The following RNF141 variants were observed in gnomAD, a reference collection of about 807,000 sequenced individuals.
RNF141 encodes the protein ring finger protein 141.
Under a neutral mutation model 27.4 loss-of-function variants are expected in RNF141, and 18 were observed. The observed-to-expected ratio is 0.66, with a 90% CI of 0.45 to 0.97. The LOEUF is 0.97. Ranked by LOEUF, RNF141 falls within the 50% of genes least tolerant of loss-of-function variation. The pLI is 0.00. For missense variants in RNF141, 230 were observed against 279.4 expected (o/e 0.82, Z 1.26); for synonymous variants, 97 against 96.6 (o/e 1.00, Z -0.02).
At chr11:10,515,273 A>G in intron 5 of RNF141, 1 of 580,582 alleles carries the variant, frequency 1.7e-6, no homozygotes, top group East Asian at 3.0e-5. Flanking sequence ...TCCTCCAGAG[A>G]TAGACTAAGC....
intron 1 of RNF141, among the ~76,000 whole-genome samples, chr11:10,540,082 AGACGGGT>A (rs1850081241): frequency 6.6e-6 from 1 of 152,186 alleles, no homozygotes; most frequent in Non-Finnish European, 1.5e-5. Context: ...ATCACTTCTC[AGACGGGT>A]GACTTCGACA....
intron 4 of RNF141, among the ~76,000 whole-genome samples, chr11:10,522,175 G>C (rs1329800997): frequency 6.6e-6 from 1 of 152,200 alleles, no homozygotes; most frequent in African/African-American, 2.4e-5. Context: ...ATTGGAATGG[G>C]AAAACTGAAT....
Position 10,514,859 on chromosome 11 carries a change from T to TC in RNF141, c.*56dup. 1 of 1,526,592 alleles carries TC rather than the reference T, an allele frequency of 6.6e-7. No individual in the cohort carries two copies. The highest frequency in any genetic ancestry group is 1.3e-5 in the South Asian group (1 of 77,732). The allele number at this position is 1,526,592 out of a possible 1,614,324, so 94.6% of individuals were successfully genotyped here. A position where few individuals can be genotyped will look rare whatever the true frequency, so the allele number is the denominator to read the frequency against. On this transcript the variant is annotated 3_prime_UTR_variant, in exon 6 of 6. Transcript: ENST00000265981. ...TGCCAGTGCCACAACCCTACATTCT[T>TC]CCCCCATGACCAAATATTTGAGCCC...
intron 1 of RNF141, among the ~76,000 whole-genome samples, chr11:10,535,381 T>G (rs1173833410): frequency 6.7e-6 from 1 of 148,726 alleles, no homozygotes; most frequent in African/African-American, 2.5e-5. Flanking sequence ...AAAACAACAG[T>G]TTTGAATCTG....
intron 1 of RNF141, among the ~76,000 whole-genome samples, chr11:10,538,708 CTT>C (rs1350009660): frequency 7.9e-5 from 12 of 152,126 alleles, no homozygotes; most frequent in Non-Finnish European, 1.3e-4. Context: ...ATTCTTTTGA[CTT>C]TTGTTAATTT....
chr11:10,538,768 A>T (rs1211336561), intron 1 of RNF141, among the ~76,000 whole-genome samples: 1 of 152,258 alleles, frequency 6.6e-6, no homozygotes, highest in East Asian at 1.9e-4. Flanking sequence ...GAAGTTAAAA[A>T]TATGTATGAA....
At chr11:10,517,514 C>T (rs1033950153) in intron 5 of RNF141, 1 of 151,840 alleles carries the variant, frequency 6.6e-6, no homozygotes, top group African/African-American at 2.4e-5. Context: ...ATCCAAGAAG[C>T]TCAATAAACC....
At chr11:10,539,225 C>T (rs1268007440) in intron 1 of RNF141, among the ~76,000 whole-genome samples, 1 of 151,918 alleles carries the variant, frequency 6.6e-6, no homozygotes, top group Non-Finnish European at 1.5e-5. Context: ...GGGTAACTGG[C>T]AAAGCAAAAA....
At chr11:10,519,897 C>G (rs1307924219) in intron 4 of RNF141, among the ~76,000 whole-genome samples, 2 of 152,166 alleles carry the variant, frequency 1.3e-5, no homozygotes, top group East Asian at 3.8e-4. Context: ...AATCTTTTGG[C>G]TTCCCTGGGC....
chr11:10,525,160 T>A, intron 4 of RNF141, 32 bp downstream of exon 4: 2 of 1,423,438 alleles, frequency 1.4e-6, no homozygotes, highest in Non-Finnish European at 9.4e-7. Flanking sequence ...TATTAGAAAA[T>A]AAGTGAAATA....
At chr11:10,529,540 AAGATAGTTTGGAGTCATATTGT>A (rs1849968074) in intron 3 of RNF141, among the ~76,000 whole-genome samples, 2 of 152,214 alleles carry the variant, frequency 1.3e-5, no homozygotes, top group Admixed American at 1.3e-4. Flanking sequence ...TAATGCAGAA[AAGATAGTTTGGAGTCATATTGT>A]AGGAGTTGGG....
intron 3 of RNF141, among the ~76,000 whole-genome samples, chr11:10,528,011 T>G (rs1366246526): frequency 1.3e-5 from 2 of 152,210 alleles, no homozygotes; most frequent in Non-Finnish European, 2.9e-5. Flanking sequence ...CATGTAGTTC[T>G]TAACAGCCAC....
At chr11:10,532,508 C>CAT (rs1401225188) in intron 2 of RNF141, among the ~76,000 whole-genome samples, 1 of 139,902 alleles carries the variant, frequency 7.1e-6, no homozygotes, top group Non-Finnish European at 1.6e-5. Flanking sequence ...CACACACACA[C>CAT]ACACACACAC....
At chr11:10,532,018 A>G (rs752155868) in intron 2 of RNF141, 1 of 453,832 alleles carries the variant, frequency 2.2e-6, no homozygotes, top group South Asian at 1.6e-5. Context: ...ATCCTGTGCT[A>G]AATAAATAAA....
At chr11:10,527,667 G>A (rs1283932036) in intron 3 of RNF141, among the ~76,000 whole-genome samples, 3 of 152,034 alleles carry the variant, frequency 2.0e-5, no homozygotes, top group South Asian at 4.1e-4. Flanking sequence ...TTGAGCCAAG[G>A]AGTAATATGA....
At chr11:10,540,452 C>T in intron 1 of RNF141, among the ~76,000 whole-genome samples, 1 of 150,696 alleles carries the variant, frequency 6.6e-6, no homozygotes, top group East Asian at 1.9e-4. Flanking sequence ...AAAGCTAACA[C>T]AGAAGCCTTC....
intron 3 of RNF141, among the ~76,000 whole-genome samples, chr11:10,528,241 T>C (rs1017426140): frequency 2.0e-5 from 3 of 152,162 alleles, no homozygotes; most frequent in African/African-American, 7.2e-5. Flanking sequence ...TGTGAAACTC[T>C]CAATCTCCTA....
At chr11:10,528,034 T>C (rs751838530) in intron 3 of RNF141, among the ~76,000 whole-genome samples, 1 of 152,220 alleles carries the variant, frequency 6.6e-6, no homozygotes, top group Non-Finnish European at 1.5e-5. Flanking sequence ...TAGTACCTAG[T>C]TTTTAATTAA....
rs1849802064 is a variant in RNF141 at position 10,511,809 on chromosome 11, A to G, written c.*3107T>C. ...CGAGTCCAATTTGAAATGAATTTTA[A>G]AACAGCACACAAACATCACAAGCCC... On this transcript the variant is annotated 3_prime_UTR_variant, in exon 6 of 6. Transcript: ENST00000265981. 1 of 152,674 alleles carries G rather than the reference A, an allele frequency of 6.5e-6. No homozygotes were observed. The highest frequency in any genetic ancestry group is 1.5e-5 in the Non-Finnish European group (1 of 68,048). 9.5% of individuals were successfully genotyped at this position (152,674 alleles called of 1,614,324 possible). A position where few individuals can be genotyped will look rare whatever the true frequency, so the allele number is the denominator to read the frequency against.
Sources: gnomAD v4.1 joint callset for allele counts (sites outside exome capture counted in the v4.1 genomes callset) on GRCh38, gnomAD v4.1.1 for gene constraint, MANE v1.5 for transcripts, NCBI Gene and HGNC (gene_info 2026-07-23, HGNC 2026-07-21) for gene names.